XYLT1: variants seen among roughly 807,000 people sequenced by gnomAD.
XYLT1 encodes beta-D-xylosyltransferase 1.
Under a neutral mutation model 91.3 loss-of-function variants are expected in XYLT1, and 36 were observed. The observed-to-expected ratio is 0.39, with a 90% confidence interval of 0.30 to 0.52. XYLT1 has a LOEUF of 0.52. XYLT1 is among the 20% of genes least tolerant of loss of function. The pLI, the probability that XYLT1 is intolerant of heterozygous loss-of-function variation, is 0.68. For synonymous variants in XYLT1, 588 were observed against 532.0 expected (o/e 1.11, Z -1.45); for missense variants, 1,242 against 1,284.5 (o/e 0.97, Z 0.51).
chr16:17,145,036 T>C (rs1430750467), intron 6 of XYLT1, among the ~76,000 whole-genome samples: 1 of 152,368 alleles, frequency 6.6e-6, no homozygotes, highest in African/African-American at 2.4e-5. Context: ...TCCCCATTCA[T>C]GCTAGCCCCT....
chr16:17,321,414 G>C (rs1248223092), intron 2 of XYLT1, among the ~76,000 whole-genome samples: 1 of 125,138 alleles, frequency 8.0e-6, no homozygotes, highest in East Asian at 2.5e-4. Context: ...CTGGAGTGCA[G>C]TGGCATGACC....
At chr16:17,467,061 G>A (rs1268091414) in intron 1 of XYLT1, among the ~76,000 whole-genome samples, 1 of 152,210 alleles carries the variant, frequency 6.6e-6, no homozygotes, top group Non-Finnish European at 1.5e-5. Flanking sequence ...AGTTATCTGA[G>A]TAATGTGAAG....
rs535611934 is a variant in XYLT1, at chr16:17,321,166, A to G, written c.402+36846T>C. Among the ~76,000 whole-genome samples, 4 of 151,928 alleles carry G rather than the reference A, an allele frequency of 2.6e-5. 1 individual carries two copies. Among genetic ancestry groups the G allele is most frequent in the South Asian group, 4.2e-4 (2 of 4,804 alleles). ...CAGACTCCAGTGGGGCAGGCTGTAC[A>G]TCTGCTTTTTACTCTCCCCGGGTGA... On this transcript the variant is annotated intron_variant, in intron 2 of 11. Coordinates refer to ENST00000261381, the MANE Select transcript of XYLT1 (RefSeq NM_022166.4).
intron 2 of XYLT1, among the ~76,000 whole-genome samples, chr16:17,283,830 G>A (rs1029151234): frequency 1.3e-5 from 2 of 152,166 alleles, no homozygotes; most frequent in Non-Finnish European, 2.9e-5. Flanking sequence ...TGACGTCTGT[G>A]AACAGTATTT....
At chr16:17,262,845 G>C (rs904437603) in intron 2 of XYLT1, among the ~76,000 whole-genome samples, 1 of 152,092 alleles carries the variant, frequency 6.6e-6, no homozygotes, top group Non-Finnish European at 1.5e-5. Flanking sequence ...TGTTACTGTA[G>C]CATGGTCTAA....
intron 10 of XYLT1, among the ~76,000 whole-genome samples, chr16:17,121,465 A>G (rs1474681283): frequency 6.6e-6 from 1 of 152,222 alleles, no homozygotes; most frequent in South Asian, 2.1e-4. Context: ...AGAATGGTCA[A>G]TTACCCAAAT....
chr16:17,195,697 G>A lies in XYLT1; in HGVS notation c.1289+2515C>T, dbSNP rs1326080268. ...CTGACCTTGTGATCCACCTGCCTTG[G>A]CCTCTCAAAGTGCTGGGATTACAGG... On this transcript the variant is annotated intron_variant, in intron 5 of 11. Transcript: ENST00000261381. 3.9e-5 allele frequency among the ~76,000 whole-genome samples: 6 copies of A among 152,028 alleles called. No homozygotes were observed. In the East Asian group the frequency reaches 1.2e-3, roughly 29 times the overall value.
intron 2 of XYLT1, among the ~76,000 whole-genome samples, chr16:17,292,121 T>G (rs2034238695): frequency 6.6e-6 from 1 of 150,594 alleles, no homozygotes; most frequent in Non-Finnish European, 1.5e-5. Flanking sequence ...CACATATATA[T>G]CTGTGTGTGT....
chr16:17,239,904 C>A (rs1188790713), intron 3 of XYLT1, among the ~76,000 whole-genome samples: 3 of 152,172 alleles, frequency 2.0e-5, no homozygotes, highest in African/African-American at 7.2e-5. Context: ...CCCATCTTTC[C>A]ATATATCCAC....
At position 17,366,555 on chromosome 16, in the gene XYLT1, C is replaced by T. The variant is rs114042940; in HGVS notation, c.364-8505G>A. ...ACTAAAAATATAAAACTTAGCTGGGCGTGTTGGTGCATACCTGTAGTCCCA... is the reference window on the plus strand; with the variant it reads ...ACTAAAAATATAAAACTTAGCTGGGTGTGTTGGTGCATACCTGTAGTCCCA... On this transcript the variant is annotated intron_variant, in intron 1 of 11. Transcript: ENST00000261381. Among the ~76,000 whole-genome samples the T allele has an allele frequency of 1.2e-3, 183 of 152,202 alleles. 1 individual carries two copies. Among genetic ancestry groups the T allele is most frequent in the Middle Eastern group, 6.8e-3 (2 of 294 alleles).
intron 1 of XYLT1, among the ~76,000 whole-genome samples, chr16:17,364,824 A>G (rs2035429832): frequency 6.6e-6 from 1 of 152,184 alleles, no homozygotes; most frequent in African/African-American, 2.4e-5. Flanking sequence ...CTAGTCCTTT[A>G]ACCGATATCC....
intron 2 of XYLT1, among the ~76,000 whole-genome samples, chr16:17,280,939 G>T (rs536183798): frequency 7.2e-5 from 11 of 152,204 alleles, no homozygotes; most frequent in African/African-American, 2.6e-4. Flanking sequence ...CTTCCCATTG[G>T]ACTAATCTGG....
intron 2 of XYLT1, among the ~76,000 whole-genome samples, chr16:17,356,723 C>G (rs1445908607): frequency 6.6e-6 from 1 of 152,178 alleles, no homozygotes; most frequent in Non-Finnish European, 1.5e-5. Flanking sequence ...GTGTCTGACA[C>G]TTGCAAGCTA....
intron 6 of XYLT1, among the ~76,000 whole-genome samples, chr16:17,145,537 A>G (rs2031109261): frequency 6.6e-6 from 1 of 152,214 alleles, no homozygotes; most frequent in Admixed American, 6.5e-5. Flanking sequence ...CCATGAATAT[A>G]GAGGTTGTCT....
intron 3 of XYLT1, among the ~76,000 whole-genome samples, chr16:17,215,616 C>CA (rs1275462943): frequency 6.6e-6 from 1 of 152,040 alleles, no homozygotes; most frequent in Non-Finnish European, 1.5e-5. Flanking sequence ...AATGATAGCC[C>CA]AGGCAGACTA....
In XYLT1 at chr16:17,421,718, G is replaced by T. The variant is rs113831621; in HGVS notation, c.363+48716C>A. ...GCCCCAGTGGACAACACATGGAGCCGAGACAAACCTCCCAGCAGAGCCCTT... is the reference window on the plus strand; with the variant it reads ...GCCCCAGTGGACAACACATGGAGCCTAGACAAACCTCCCAGCAGAGCCCTT... On this transcript the variant is annotated intron_variant, in intron 1 of 11. Transcript: ENST00000261381. Among the ~76,000 whole-genome samples the T allele has an allele frequency of 6.7e-3, 1,022 of 152,324 alleles. 8 individuals carry two copies. The highest frequency in any genetic ancestry group is 0.027 in the Middle Eastern group (8 of 294).
intron 2 of XYLT1, among the ~76,000 whole-genome samples, chr16:17,327,393 C>T (rs1208185017): frequency 1.5e-5 from 2 of 136,922 alleles, no homozygotes; most frequent in Non-Finnish European, 3.1e-5. Context: ...GATAGAGTCT[C>T]GCTCTGTTTC....
Position 17,108,941 on chromosome 16 carries a change from G to T in XYLT1, c.2634C>A (p.Val878=), listed in dbSNP as rs772538035. The T allele has an allele frequency of 6.3e-7, 1 of 1,597,694 alleles. No individual in the cohort carries two copies. The highest frequency in any genetic ancestry group is 2.3e-5 in the East Asian group (1 of 44,420). ...MEQSFQSLNP[V]LSLPINPAQV... The stretch of plus-strand genomic sequence containing the variant: ...GGGCGGGGTTGATGGGCAGGCTGAG[G>T]ACGGGGTTTAGGCTCTGGAAGCTCT... The change falls in exon 12 of 12, where the codon GTC becomes GTA. Residue 878 remains valine (V), a synonymous_variant. Transcript: ENST00000261381.
chr16:17,116,369 C>T (rs118081066), intron 11 of XYLT1, among the ~76,000 whole-genome samples: 149 of 152,288 alleles, frequency 9.8e-4, no homozygotes, highest in Non-Finnish European at 1.7e-3. Flanking sequence ...CTTTGACATA[C>T]GACTCCTGAA....
Sources: gnomAD v4.1 joint callset for allele counts (sites outside exome capture counted in the v4.1 genomes callset) on GRCh38, gnomAD v4.1.1 for gene constraint, MANE v1.5 for transcripts, NCBI Gene and HGNC (gene_info 2026-07-23, HGNC 2026-07-21) for gene names.